MAPT: variants seen among roughly 807,000 people sequenced by gnomAD.
The protein encoded by MAPT is microtubule associated protein tau.
In MAPT, 34 loss-of-function variants were observed where a neutral mutation model predicts 67.9. The ratio of observed to expected loss-of-function variants is 0.50; its 90% CI spans 0.38 to 0.67. The LOEUF is 0.67. Ranked by LOEUF, MAPT falls within the 30% of genes least tolerant of loss-of-function variation. MAPT has a pLI of 0.00. For missense variants in MAPT, 881 were observed against 1,115.2 expected (o/e 0.79, Z 2.99); for synonymous variants, 456 against 464.5 (o/e 0.98, Z 0.23).
At chr17:46,021,943 C>G (rs117539395) in intron 12 of MAPT, among the ~76,000 whole-genome samples, 7,205 of 152,300 alleles carry the variant, frequency 0.047, 899 homozygotes, top group East Asian at 0.42. Context: ...CACCAGCCTC[C>G]TGGGTTCCTT....
rs1439836214 is a variant in MAPT, at chr17:45,990,032, C to A, written c.1562C>A (p.Thr521Asn). 5 of 1,614,214 alleles carry A rather than the reference C, an allele frequency of 3.1e-6. No homozygotes were observed. Among genetic ancestry groups the A allele is most frequent in the Non-Finnish European group, 3.4e-6 (4 of 1,180,048 alleles). The change falls in exon 7 of 13, where the codon ACT (threonine) becomes AAT (asparagine). Residue 521 changes from threonine (T) to asparagine (N), a missense_variant. Physicochemically the swap from Thr to Asn is moderately conservative, Grantham distance 65 (BLOSUM62 0). Coordinates refer to ENST00000262410, the MANE Select transcript of MAPT (RefSeq NM_001377265.1). Reference protein sequence around the residue: ...PSSPKYVSSVTSRTGSSGAKE... With the variant: ...PSSPKYVSSVNSRTGSSGAKE... The stretch of plus-strand genomic sequence containing the variant: ...TCTCCTAAATACGTCTCTTCTGTCA[C>A]TTCCCGAACTGGCAGTTCTGGAGCA...
Position 46,010,531 on chromosome 17 carries a change from C to A in MAPT, c.2091+129C>A. 1.3e-6 allele frequency: 1 copy of A among 749,360 alleles called. No homozygotes were observed. The highest frequency in any genetic ancestry group is 2.3e-6 in the Non-Finnish European group (1 of 425,626). The allele number at this position is 749,360 out of a possible 1,614,324, so 46.4% of individuals were successfully genotyped here. On this transcript the variant is annotated intron_variant, in intron 10 of 12. Coordinates refer to ENST00000262410, the MANE Select transcript of MAPT (RefSeq NM_001377265.1). This position sits in a 1 kb window ranked among gnomAD's most constrained non-coding sequence, Gnocchi z 4.7. ...TGGGCTCTCAGGATCTGGCTGCGAC[C>A]TCTGGGTGAATGTAGCCCGGCTCCC...
rs1175502815 is a variant in MAPT at position 46,025,051 on chromosome 17, G to A, written c.*880G>A. On this transcript the variant is annotated 3_prime_UTR_variant, in exon 13 of 13. Coordinates refer to ENST00000262410, the MANE Select transcript of MAPT (RefSeq NM_001377265.1). The stretch of plus-strand genomic sequence containing the variant: ...TGGCCTCTTCCTCCCTCCCTGCAGG[G>A]TAGGGGGCCTGAGTTGAGGGGCTTC... 1 of 152,188 alleles carries A rather than the reference G, an allele frequency of 6.6e-6. No homozygotes were observed. The highest frequency in any genetic ancestry group is 1.5e-5 in the Non-Finnish European group (1 of 68,076). The allele number at this position is 152,188 out of a possible 1,614,324, so 9.4% of individuals were successfully genotyped here. A position where few individuals can be genotyped will look rare whatever the true frequency, so the allele number is the denominator to read the frequency against.
At chr17:45,953,252 T>G (rs2069269213) in intron 1 of MAPT, among the ~76,000 whole-genome samples, 1 of 152,250 alleles carries the variant, frequency 6.6e-6, no homozygotes, top group Admixed American at 6.5e-5. Context: ...CACTTCATTT[T>G]GCTCTCCAGG....
chr17:45,907,474 G>A (rs1847075887), intron 1 of MAPT, among the ~76,000 whole-genome samples: 1 of 152,156 alleles, frequency 6.6e-6, no homozygotes, highest in Non-Finnish European at 1.5e-5. Flanking sequence ...GGCAAGGACT[G>A]TGTCTTATGT....
chr17:46,013,783 C>T (rs542749184), intron 10 of MAPT, among the ~76,000 whole-genome samples: 1 of 152,214 alleles, frequency 6.6e-6, no homozygotes, highest in South Asian at 2.1e-4. Flanking sequence ...CCACTCCTGC[C>T]TTTCCAGCAA....
intron 12 of MAPT, among the ~76,000 whole-genome samples, chr17:46,021,295 A>T (rs920981948): frequency 6.6e-6 from 1 of 152,200 alleles, no homozygotes; most frequent in African/African-American, 2.4e-5. Context: ...TGAGAAAACG[A>T]GGAGGGACCA....
intron 1 of MAPT, among the ~76,000 whole-genome samples, chr17:45,959,266 A>T (rs958049845): frequency 1.3e-5 from 2 of 152,164 alleles, no homozygotes; most frequent in Non-Finnish European, 2.9e-5. Context: ...GTTACAACCA[A>T]TGAATCCTCA....
intron 3 of MAPT, chr17:45,974,148 C>G: frequency 1.7e-6 from 1 of 576,728 alleles, no homozygotes; most frequent in Non-Finnish European, 3.1e-6. Flanking sequence ...GGCTGCCGGG[C>G]TTTCCTGGTG....
intron 2 of MAPT, among the ~76,000 whole-genome samples, chr17:45,970,782 G>A (rs961926832): frequency 4.6e-5 from 7 of 152,232 alleles, no homozygotes; most frequent in Non-Finnish European, 1.0e-4. Context: ...TCTCTAGCCT[G>A]TAACTCCTGC....
intron 9 of MAPT, among the ~76,000 whole-genome samples, chr17:46,007,415 A>T (rs1228733423): frequency 1.3e-5 from 2 of 152,100 alleles, no homozygotes; most frequent in African/African-American, 4.8e-5. Context: ...TGAGCCCAGG[A>T]GTTTAAGGCT....
At chr17:46,023,859 G>C in intron 12 of MAPT, 97 bp from the exon 13 acceptor site, 1 of 1,009,030 alleles carries the variant, frequency 9.9e-7, no homozygotes, top group Non-Finnish European at 1.6e-6. Context: ...ACAAAAAACA[G>C]TCCCTGGCAC....
intron 1 of MAPT, among the ~76,000 whole-genome samples, chr17:45,935,024 A>C (rs2144765428): frequency 6.6e-6 from 1 of 152,238 alleles, no homozygotes; most frequent in African/African-American, 2.4e-5. Flanking sequence ...AAGATATCCA[A>C]GCCACTGGGA....
At chr17:45,946,616 AT>A (rs1183879125) in intron 1 of MAPT, among the ~76,000 whole-genome samples, 5,276 of 86,544 alleles carry the variant, frequency 0.061, 211 homozygotes, top group Admixed American at 0.095. Flanking sequence ...AAAAAAAAAA[AT>A]ATATATATAT....
chr17:45,977,224 A>G (rs2072467213), intron 3 of MAPT: 1 of 152,188 alleles, frequency 6.6e-6, no homozygotes, highest in African/African-American at 2.4e-5. Context: ...AGGCTACCAC[A>G]TGGCTTCCAG....
intron 3 of MAPT, chr17:45,975,206 G>A (rs2072206021): frequency 6.6e-6 from 1 of 152,332 alleles, no homozygotes; most frequent in Admixed American, 6.5e-5. Context: ...CCAGCCATTG[G>A]TTTGGTGATT....
intron 1 of MAPT, among the ~76,000 whole-genome samples, chr17:45,928,852 C>T (rs140454192): frequency 2.9e-4 from 44 of 152,224 alleles, no homozygotes; most frequent in Admixed American, 1.2e-3. Context: ...CTCGCCACCA[C>T]GCCCAGCTAA....
At chr17:46,012,732 CG>C (rs1324731998) in intron 10 of MAPT, among the ~76,000 whole-genome samples, 2 of 152,024 alleles carry the variant, frequency 1.3e-5, no homozygotes, top group Non-Finnish European at 2.9e-5. Flanking sequence ...CCTTTCTGGC[CG>C]TTCCCTGGTC....
chr17:45,978,480 G>A (rs186666934), intron 4 of MAPT, 40 bp downstream of exon 4: 11 of 1,528,022 alleles, frequency 7.2e-6, no homozygotes, highest in Middle Eastern at 1.7e-4. Context: ...TTGGGGGTTG[G>A]GGGGAGGGAC....
Sources: gnomAD v4.1 joint callset for allele counts (sites outside exome capture counted in the v4.1 genomes callset) on GRCh38, gnomAD v4.1.1 for gene constraint, Gnocchi (gnomAD v3.1) non-coding constraint, MANE v1.5 for transcripts, NCBI Gene and HGNC (gene_info 2026-07-23, HGNC 2026-07-21) for gene names.